PAK2: variants seen among roughly 807,000 people sequenced by gnomAD.
PAK2 encodes the protein serine/threonine-protein kinase PAK 2.
PAK2 carries 21 observed loss-of-function variants against 65.9 expected under a neutral mutation model. That is an observed-to-expected ratio of 0.32 (90% CI 0.23 to 0.46). PAK2 has a LOEUF of 0.46. Among genes scored for constraint, PAK2 ranks in the 20% least tolerant of loss-of-function variants. The pLI, the probability that PAK2 is intolerant of heterozygous loss-of-function variation, is 1.00. For missense variants in PAK2, 324 were observed against 642.6 expected (o/e 0.50, Z 5.36); for synonymous variants, 204 against 219.7 (o/e 0.93, Z 0.63).
intron 11 of PAK2, among the ~76,000 whole-genome samples, chr3:196,815,717 G>A (rs904326295): frequency 5.9e-5 from 9 of 151,758 alleles, no homozygotes; most frequent in Non-Finnish European, 8.8e-5. Flanking sequence ...AACCCAAGAG[G>A]CGGAGGTCAC....
At chr3:196,761,099 A>T (rs1056959674) in intron 1 of PAK2, among the ~76,000 whole-genome samples, 9 of 150,036 alleles carry the variant, frequency 6.0e-5, no homozygotes, top group Non-Finnish European at 1.2e-4. Context: ...GTGGTTGTGC[A>T]TACCTGTAAT....
intron 1 of PAK2, among the ~76,000 whole-genome samples, chr3:196,753,033 T>C (rs1414108003): frequency 6.7e-6 from 1 of 150,304 alleles, no homozygotes; most frequent in African/African-American, 2.5e-5. Flanking sequence ...CAGGCTGGAG[T>C]GCAGTGGTGC....
At chr3:196,783,539 G>A (rs1714779863) in intron 2 of PAK2, among the ~76,000 whole-genome samples, 2 of 150,284 alleles carry the variant, frequency 1.3e-5, no homozygotes, top group South Asian at 2.1e-4. Context: ...CCAAGATCGT[G>A]GCACCGCACT....
intron 1 of PAK2, among the ~76,000 whole-genome samples, chr3:196,782,118 G>T (rs1237471020): frequency 6.6e-6 from 1 of 151,798 alleles, no homozygotes; most frequent in Non-Finnish European, 1.5e-5. Context: ...AAATAAATAA[G>T]AATTTTTTAG....
At chr3:196,816,622 G>A (rs1210769335) in intron 11 of PAK2, among the ~76,000 whole-genome samples, 1 of 152,120 alleles carries the variant, frequency 6.6e-6, no homozygotes. Flanking sequence ...CCTGGTAAAT[G>A]TATTGCGGTA....
chr3:196,757,373 T>G, intron 1 of PAK2, among the ~76,000 whole-genome samples: 1 of 152,198 alleles, frequency 6.6e-6, no homozygotes, highest in Non-Finnish European at 1.5e-5. Flanking sequence ...AAGAGAAATC[T>G]AGAACTCACT....
intron 12 of PAK2, among the ~76,000 whole-genome samples, chr3:196,818,522 A>G (rs1008867527): frequency 6.6e-6 from 1 of 152,110 alleles, no homozygotes; most frequent in Non-Finnish European, 1.5e-5. Flanking sequence ...GTGCACCACC[A>G]CACCCAGCTA....
rs1353097388 is a variant in PAK2, at chr3:196,754,532, C to G, written c.-22+14375C>G. 2.0e-5 allele frequency among the ~76,000 whole-genome samples: 3 copies of G among 152,144 alleles called. 1 individual carries two copies. In the South Asian group the frequency reaches 6.2e-4, roughly 32 times the overall value. ...CTGGGCTAGGGTAGTAGGATCTTAC[C>G]CTACCCTGTTTCTGTCTTTGTGAGT... is the stretch of plus-strand genomic sequence containing the variant. On this transcript the variant is annotated intron_variant, in intron 1 of 14. Transcript: ENST00000327134.
At position 196,786,051 on chromosome 3, in the gene PAK2, G is replaced by A. The variant is rs145080013; in HGVS notation, c.187+3218G>A. Among the ~76,000 whole-genome samples, 70 of 152,138 alleles carry A rather than the reference G, an allele frequency of 4.6e-4. No individual in the cohort carries two copies. The East Asian group carries it at 0.012, about 26-fold the overall frequency. On this transcript the variant is annotated intron_variant, in intron 2 of 14. Transcript: ENST00000327134. ...TAGTCTATACACTAATCCTTTGCCA[G>A]TTATATGATGTTAAAGATAGTATTC...
chr3:196,744,076 T>C (rs1212065340), intron 1 of PAK2, among the ~76,000 whole-genome samples: 1 of 152,146 alleles, frequency 6.6e-6, no homozygotes, highest in Non-Finnish European at 1.5e-5. Context: ...AATATGCATA[T>C]TTCCTGTATA....
chr3:196,773,981 C>T (rs572151352), intron 1 of PAK2, among the ~76,000 whole-genome samples: 3 of 152,110 alleles, frequency 2.0e-5, no homozygotes, highest in East Asian at 3.9e-4. Context: ...TACAGTGAGC[C>T]GAGATCACGC....
At chr3:196,798,257 T>C (rs1159054610) in intron 2 of PAK2, among the ~76,000 whole-genome samples, 1 of 152,040 alleles carries the variant, frequency 6.6e-6, no homozygotes, top group African/African-American at 2.4e-5. Context: ...TTACCAATAT[T>C]GAGAATGAGA....
intron 1 of PAK2, among the ~76,000 whole-genome samples, chr3:196,764,618 CA>C (rs746982784): frequency 1.7e-5 from 2 of 116,314 alleles, no homozygotes; most frequent in Non-Finnish European, 3.7e-5. Flanking sequence ...GACTCTGTCT[CA>C]AAAAAAAATA....
chr3:196,762,579 G>A (rs1229307462), intron 1 of PAK2, among the ~76,000 whole-genome samples: 3 of 149,536 alleles, frequency 2.0e-5, no homozygotes, highest in Non-Finnish European at 3.0e-5. Flanking sequence ...GCAGGCACTC[G>A]GCAGGCTGAG....
chr3:196,808,557 C>CAAAAA (rs1208200034), intron 7 of PAK2, among the ~76,000 whole-genome samples: 2 of 56,582 alleles, frequency 3.5e-5, no homozygotes, highest in African/African-American at 6.7e-5. Context: ...GACTCCATCT[C>CAAAAA]AAAAAAAAAA....
At chr3:196,819,989 T>A (rs902470618) in intron 12 of PAK2, among the ~76,000 whole-genome samples, 6 of 152,188 alleles carry the variant, frequency 3.9e-5, no homozygotes, top group African/African-American at 1.4e-4. Flanking sequence ...CAAAAAATTT[T>A]AAAAATTAAA....
At chr3:196,825,408 C>T (rs911174890) in intron 13 of PAK2, among the ~76,000 whole-genome samples, 2 of 151,322 alleles carry the variant, frequency 1.3e-5, no homozygotes, top group Non-Finnish European at 2.9e-5. Flanking sequence ...CTTTGGGAGG[C>T]CAAGGCGGGC....
intron 1 of PAK2, among the ~76,000 whole-genome samples, chr3:196,778,216 G>C (rs576874590): frequency 6.6e-6 from 1 of 152,106 alleles, no homozygotes; most frequent in African/African-American, 2.4e-5. Context: ...ATGTTGCAGC[G>C]TGTATCGGTA....
chr3:196,799,315 G>A (rs778134295), intron 2 of PAK2, among the ~76,000 whole-genome samples: 4 of 152,272 alleles, frequency 2.6e-5, no homozygotes, highest in South Asian at 2.1e-4. Context: ...AGGAAATACC[G>A]AGGCAGAAAT....
Sources: allele counts gnomAD v4.1 joint callset (sites outside exome capture counted in the v4.1 genomes callset), GRCh38; gene constraint gnomAD v4.1.1; transcripts MANE v1.5; gene names NCBI Gene and HGNC (gene_info 2026-07-23, HGNC 2026-07-21).